FIP1L1: variants seen among roughly 807,000 people sequenced by gnomAD.
The protein encoded by FIP1L1 is pre-mRNA 3'-end-processing factor FIP1.
FIP1L1 carries 21 observed loss-of-function variants against 84.6 expected under a neutral mutation model. That is an observed-to-expected ratio of 0.25 (90% confidence interval 0.18 to 0.36). FIP1L1 has a LOEUF of 0.36. Among genes scored for constraint, FIP1L1 ranks in the 10% least tolerant of loss-of-function variants. The pLI, the probability that FIP1L1 is intolerant of heterozygous loss-of-function variation, is 1.00. For missense variants in FIP1L1, 526 were observed against 751.1 expected (o/e 0.70, Z 3.50); for synonymous variants, 263 against 242.3 (o/e 1.09, Z -0.80).
intron 10 of FIP1L1, among the ~76,000 whole-genome samples, chr4:53,406,236 G>T (rs202026968): frequency 6.6e-6 from 1 of 152,234 alleles, no homozygotes; most frequent in African/African-American, 2.4e-5. Context: ...GTTGAATTTT[G>T]TCAAAGGCCT....
At chr4:53,413,775 A>G (rs1242822386) in intron 10 of FIP1L1, among the ~76,000 whole-genome samples, 1 of 152,096 alleles carries the variant, frequency 6.6e-6, no homozygotes, top group African/African-American at 2.4e-5. Context: ...CAGTTTTAGC[A>G]TTTATTTTTC....
At chr4:53,392,390 C>A (rs1257060443) in intron 9 of FIP1L1, among the ~76,000 whole-genome samples, 2 of 152,242 alleles carry the variant, frequency 1.3e-5, no homozygotes, top group Non-Finnish European at 2.9e-5. Flanking sequence ...TCTGCAGATA[C>A]AACCACTCTA....
At chr4:53,440,749 T>G in intron 13 of FIP1L1, 2 of 662,736 alleles carry the variant, frequency 3.0e-6, no homozygotes, top group Non-Finnish European at 5.5e-6. Context: ...CAGCTCTGCC[T>G]TTGCTTCATT....
intron 10 of FIP1L1, among the ~76,000 whole-genome samples, chr4:53,400,928 C>A (rs1327173077): frequency 6.6e-6 from 1 of 152,062 alleles, no homozygotes; most frequent in Non-Finnish European, 1.5e-5. Flanking sequence ...GGTTAACTTT[C>A]ATTCATTGAG....
chr4:53,399,994 C>G (rs535057000), intron 10 of FIP1L1, among the ~76,000 whole-genome samples, 155 bp downstream of exon 10: 1 of 152,128 alleles, frequency 6.6e-6, no homozygotes, highest in Non-Finnish European at 1.5e-5. Context: ...CAAGAAACTT[C>G]TTGATGTTTT....
chr4:53,452,460 C>T lies in FIP1L1; in HGVS notation c.1286-460C>T, dbSNP rs867685203. On this transcript the variant is annotated intron_variant, in intron 15 of 17. Coordinates refer to ENST00000337488, the MANE Select transcript of FIP1L1 (RefSeq NM_030917.4). ...TAGCCTCCCAAATAGCCGGGATTAC[C>T]GGCATGCACCACCATGCCCGGCAAA... Among the ~76,000 whole-genome samples the T allele has an allele frequency of 8.5e-5, 13 of 152,088 alleles. No individual in the cohort carries two copies. The Middle Eastern group carries it at 0.014, about 159-fold the overall frequency.
chr4:53,445,579 A>G (rs1366940813), intron 15 of FIP1L1, among the ~76,000 whole-genome samples: 1 of 152,178 alleles, frequency 6.6e-6, no homozygotes, highest in South Asian at 2.1e-4. Context: ...GTGACAAGAT[A>G]AAGGAAAAGG....
At chr4:53,414,560 G>T in intron 10 of FIP1L1, 55 bp from the exon 11 acceptor site, 1 of 1,186,772 alleles carries the variant, frequency 8.4e-7, no homozygotes, top group Non-Finnish European at 1.2e-6. Flanking sequence ...AACAGAACAA[G>T]GGGGGTCAGA....
At position 53,390,636 on chromosome 4, in the gene FIP1L1, T is replaced by A. The variant is rs938294834; in HGVS notation, c.505+8T>A. ...AACCATGGCGTAAACCTGGTAAGAT[T>A]ATTGTGGATTATATTAATTTCAATA... On this transcript the variant is annotated splice_region_variant and intron_variant, in intron 7 of 17. Transcript: ENST00000337488. The A allele has an allele frequency of 4.5e-6, 7 of 1,542,526 alleles. No homozygotes were observed. Among genetic ancestry groups the A allele is most frequent in the Non-Finnish European group, 5.3e-6 (6 of 1,124,704 alleles).
chr4:53,453,153 G>A lies in FIP1L1; in HGVS notation c.1499+20G>A. ...CAACAGGTTTGTTGGGTGTGCAGGA[G>A]TTTATACTATGTATTTTATAAGCAC... is the stretch of plus-strand genomic sequence containing the variant. On this transcript the variant is annotated intron_variant, in intron 16 of 17. Coordinates refer to ENST00000337488, the MANE Select transcript of FIP1L1 (RefSeq NM_030917.4). The A allele has an allele frequency of 6.2e-7, 1 of 1,612,164 alleles. No individual in the cohort carries two copies. The highest frequency in any genetic ancestry group is 8.5e-7 in the Non-Finnish European group (1 of 1,178,568).
chr4:53,413,826 T>A lies in FIP1L1; in HGVS notation c.816-789T>A, dbSNP rs571938366. The stretch of plus-strand genomic sequence containing the variant: ...ATTTATTTTTTGCATATGTAAAACA[T>A]CTAACAGTTCGAAAGGCAAGAGTAT... On this transcript the variant is annotated intron_variant, in intron 10 of 17. Transcript: ENST00000337488. Among the ~76,000 whole-genome samples the A allele has an allele frequency of 1.4e-4, 21 of 152,280 alleles. 1 individual carries two copies. Among genetic ancestry groups the A allele is most frequent in the Admixed American group, 1.2e-3 (18 of 15,288 alleles).
intron 11 of FIP1L1, among the ~76,000 whole-genome samples, chr4:53,424,935 A>G (rs1763736864): frequency 6.6e-6 from 1 of 152,080 alleles, no homozygotes. Flanking sequence ...GTTTAGATAT[A>G]ATGGGTTTGG....
At chr4:53,435,194 A>T (rs1768583855) in intron 13 of FIP1L1, among the ~76,000 whole-genome samples, 1 of 152,218 alleles carries the variant, frequency 6.6e-6, no homozygotes, top group Admixed American at 6.5e-5. Flanking sequence ...AATGCTAATT[A>T]TCTATAATAA....
rs1156271577 is a variant in FIP1L1 at position 53,460,663 on chromosome 4, A to AAAAAT, written c.*1216_*1220dup. ...GTTTTAGGGCTTTTTATTGAATAGA[A>AAAAAT]AAAATATAAACAATGTTGTAGAGTA... is the stretch of plus-strand genomic sequence containing the variant. On this transcript the variant is annotated 3_prime_UTR_variant, in exon 18 of 18. Coordinates refer to ENST00000337488, the MANE Select transcript of FIP1L1 (RefSeq NM_030917.4). 9 of 390,124 alleles carry AAAAAT rather than the reference A, an allele frequency of 2.3e-5. No individual in the cohort carries two copies. The highest frequency in any genetic ancestry group is 3.1e-5 in the Non-Finnish European group (7 of 222,694). The allele number at this position is 390,124 out of a possible 1,614,324, so 24.2% of individuals were successfully genotyped here.
chr4:53,399,919 G>A, intron 10 of FIP1L1, 80 bp downstream of exon 10: 2 of 943,108 alleles, frequency 2.1e-6, no homozygotes, highest in Non-Finnish European at 3.2e-6. Flanking sequence ...AAGTATAAAA[G>A]CTCTGAATGT....
At chr4:53,446,261 C>A (rs1171458983) in intron 15 of FIP1L1, among the ~76,000 whole-genome samples, 1 of 151,986 alleles carries the variant, frequency 6.6e-6, no homozygotes, top group African/African-American at 2.4e-5. Flanking sequence ...GATTCCCCCT[C>A]TTACCATTTA....
intron 10 of FIP1L1, among the ~76,000 whole-genome samples, chr4:53,411,901 T>C (rs1367676800): frequency 6.6e-6 from 1 of 152,094 alleles, no homozygotes; most frequent in East Asian, 1.9e-4. Flanking sequence ...AAAAGTGGCA[T>C]ATCAGGAATG....
chr4:53,421,981 C>G (rs1762587865), intron 11 of FIP1L1, among the ~76,000 whole-genome samples: 1 of 152,206 alleles, frequency 6.6e-6, no homozygotes, highest in Non-Finnish European at 1.5e-5. Context: ...GGGCTAGATA[C>G]ACAGACCACG....
chr4:53,457,021 T>G (rs1339311088), intron 16 of FIP1L1, among the ~76,000 whole-genome samples: 1 of 152,188 alleles, frequency 6.6e-6, no homozygotes, highest in African/African-American at 2.4e-5. Flanking sequence ...GGTGCTAGTT[T>G]ATTCTACTTG....
Sources: gnomAD v4.1 joint callset for allele counts (sites outside exome capture counted in the v4.1 genomes callset) on GRCh38, gnomAD v4.1.1 for gene constraint, MANE v1.5 for transcripts, NCBI Gene and HGNC (gene_info 2026-07-23, HGNC 2026-07-21) for gene names.